The following PLSCR2 variants were observed in gnomAD, a reference collection of about 807,000 sequenced individuals.
PLSCR2 encodes the protein phospholipid scramblase 2, also known as PL scramblase 2.
A neutral mutation model predicts 25.3 loss-of-function variants in PLSCR2; 18 were observed. The ratio of observed to expected loss-of-function variants is 0.71; its 90% confidence interval spans 0.49 to 1.06. The LOEUF (loss-of-function observed/expected upper bound fraction) is 1.06. Ranked by LOEUF, PLSCR2 falls within the 50% of genes least tolerant of loss-of-function variation. The pLI is 0.00. For missense variants in PLSCR2, 243 were observed against 269.5 expected, an observed-to-expected ratio of 0.90 and a Z score of 0.69; for synonymous variants, 88 against 87.3, an observed-to-expected ratio of 1.01 and a Z score of -0.04.
chr3:146,470,224 A>C (rs938406629), intron 1 of PLSCR2, among the ~76,000 whole-genome samples: 2 of 152,178 alleles, frequency 1.3e-5, no homozygotes, highest in African/African-American at 2.4e-5. Context: ...ACCCTCATGC[A>C]ATAAATAAAT....
chr3:146,493,205 C>T (rs909313593), intron 1 of PLSCR2, among the ~76,000 whole-genome samples: 1 of 152,050 alleles, frequency 6.6e-6, no homozygotes, highest in African/African-American at 2.4e-5. Context: ...TAGGCTATTT[C>T]TACAAGATAT....
intron 1 of PLSCR2, among the ~76,000 whole-genome samples, chr3:146,472,778 C>A (rs778565781): frequency 5.3e-5 from 8 of 152,190 alleles, no homozygotes; most frequent in Non-Finnish European, 8.8e-5. Flanking sequence ...TCTGTCTTAG[C>A]TCCTGTTGCA....
At chr3:146,478,440 A>T (rs2043004197) in intron 1 of PLSCR2, among the ~76,000 whole-genome samples, 2 of 152,212 alleles carry the variant, frequency 1.3e-5, no homozygotes, top group African/African-American at 4.8e-5. Context: ...GAACTTCAAG[A>T]TGCATGCACA....
Position 146,395,471 on chromosome 3 carries a change from A to G in PLSCR2, c.*145+289T>C, listed in dbSNP as rs1056040814. ...TAATAAATTTTACATTGTAAGAGAT[A>G]ACTATAAGTCACACTGAATGAACCA... is the stretch of plus-strand genomic sequence containing the variant. On this transcript the variant is annotated intron_variant and NMD_transcript_variant, in intron 3 of 3. Coordinates refer to the PLSCR2 transcript ENST00000463633. Among the ~76,000 whole-genome samples the G allele has an allele frequency of 2.6e-5, 4 of 152,216 alleles. No individual in the cohort carries two copies. In the East Asian group the frequency reaches 7.7e-4, roughly 29 times the overall value.
intron 1 of PLSCR2, among the ~76,000 whole-genome samples, chr3:146,477,981 C>T (rs145186897): frequency 6.6e-6 from 1 of 152,156 alleles, no homozygotes; most frequent in African/African-American, 2.4e-5. Context: ...TGGAGTGGAC[C>T]TCCAGCAAAC....
chr3:146,466,156 C>T (rs1248363454), intron 1 of PLSCR2, among the ~76,000 whole-genome samples: 3 of 152,136 alleles, frequency 2.0e-5, no homozygotes, highest in Non-Finnish European at 4.4e-5. Flanking sequence ...TAGGCTTTTA[C>T]AGTTTTGTTT....
chr3:146,419,682 T>C (rs897275300), intron 2 of PLSCR2, among the ~76,000 whole-genome samples: 1 of 152,086 alleles, frequency 6.6e-6, no homozygotes, highest in African/African-American at 2.4e-5. Context: ...TGTTTTGTTT[T>C]CTGGCCTTAT....
At chr3:146,422,477 T>G (rs1416985246) in intron 2 of PLSCR2, among the ~76,000 whole-genome samples, 1 of 152,120 alleles carries the variant, frequency 6.6e-6, no homozygotes, top group Non-Finnish European at 1.5e-5. Flanking sequence ...GACAGCAACC[T>G]AATTGAAGAC....
chr3:146,495,871 T>C, intron 1 of PLSCR2: 1 of 1,527,624 alleles, frequency 6.5e-7, no homozygotes. Context: ...CGTTAGTCTC[T>C]GGAAACTACA....
At chr3:146,448,740 C>T (rs1002144616) in intron 6 of PLSCR2, among the ~76,000 whole-genome samples, 1 of 152,166 alleles carries the variant, frequency 6.6e-6, no homozygotes, top group African/African-American at 2.4e-5. Flanking sequence ...AGAATCACTG[C>T]TTTACCCCAT....
chr3:146,409,766 TTTA>T (rs973618920), intron 2 of PLSCR2, among the ~76,000 whole-genome samples: 95 of 152,230 alleles, frequency 6.2e-4, no homozygotes, highest in African/African-American at 2.2e-3. Context: ...GTTTCCTATT[TTTA>T]TTATTATTAT....
exon 5 of PLSCR2, chr3:146,454,089 A>G (rs745389649): frequency 6.2e-7 from 1 of 1,610,928 alleles, no homozygotes; most frequent in Non-Finnish European, 8.5e-7. Flanking sequence ...TTTTAATTGT[A>G]AACTTTGTTA....
chr3:146,482,889 G>A (rs1295969068), intron 1 of PLSCR2, among the ~76,000 whole-genome samples: 1 of 152,162 alleles, frequency 6.6e-6, no homozygotes, highest in East Asian at 1.9e-4. Context: ...GGAATACTAT[G>A]CAGCCATAAA....
chr3:146,450,821 C>G (rs1207746877), intron 5 of PLSCR2, among the ~76,000 whole-genome samples: 1 of 152,034 alleles, frequency 6.6e-6, no homozygotes, highest in Non-Finnish European at 1.5e-5. Context: ...AATATTTCTC[C>G]ATTTTGATGG....
intron 8 of PLSCR2, among the ~76,000 whole-genome samples, chr3:146,435,074 A>G (rs2039761463): frequency 6.6e-6 from 1 of 152,042 alleles, no homozygotes. Flanking sequence ...TTCCAGCTTC[A>G]TCCATGTCCC....
At chr3:146,419,047 T>G (rs2039067769) in intron 2 of PLSCR2, among the ~76,000 whole-genome samples, 1 of 152,174 alleles carries the variant, frequency 6.6e-6, no homozygotes, top group South Asian at 2.1e-4. Flanking sequence ...CTGGATAAGA[T>G]GAAAATCTTC....
intron 1 of PLSCR2, among the ~76,000 whole-genome samples, chr3:146,470,592 A>G (rs1180906396): frequency 6.6e-6 from 1 of 152,062 alleles, no homozygotes; most frequent in Non-Finnish European, 1.5e-5. Context: ...ATAACACCAT[A>G]TATGGAGAAA....
chr3:146,463,302 G>T (rs2041708415), upstream of PLSCR2, among the ~76,000 whole-genome samples: 1 of 152,054 alleles, frequency 6.6e-6, no homozygotes, highest in African/African-American at 2.4e-5. Flanking sequence ...TCGGACTCCG[G>T]AGTAGCTGGG....
At chr3:146,483,702 G>A (rs910320969) in intron 1 of PLSCR2, among the ~76,000 whole-genome samples, 7 of 150,854 alleles carry the variant, frequency 4.6e-5, no homozygotes, top group Non-Finnish European at 1.5e-5. Context: ...AGAGGGGCCT[G>A]ACTGTTGAAA....
Sources: allele counts gnomAD v4.1 joint callset (sites outside exome capture counted in the v4.1 genomes callset), GRCh38; gene constraint gnomAD v4.1.1; transcripts MANE v1.5; gene names NCBI Gene and HGNC (gene_info 2026-07-23, HGNC 2026-07-21).